Variants in PRKCD observed in about 807,000 individuals in gnomAD.
The protein encoded by PRKCD is protein kinase C delta type.
PRKCD carries 20 observed loss-of-function variants against 82.2 expected under a neutral mutation model. The observed-to-expected ratio is 0.24, with a 90% confidence interval of 0.17 to 0.35. The LOEUF (loss-of-function observed/expected upper bound fraction) is 0.35, where lower values mean the gene tolerates loss of function less well. Ranked by LOEUF, PRKCD falls within the 10% of genes least tolerant of loss-of-function variation. PRKCD has a pLI of 1.00. For missense variants in PRKCD, 607 were observed against 899.0 expected (o/e 0.68, Z 4.15); for synonymous variants, 317 against 337.0 (o/e 0.94, Z 0.65).
At chr3:53,189,692 T>C (rs1703852422) in intron 17 of PRKCD, among the ~76,000 whole-genome samples, 181 bp from the exon 18 acceptor site, 1 of 152,228 alleles carries the variant, frequency 6.6e-6, no homozygotes, top group Admixed American at 6.5e-5. Flanking sequence ...CCAGAGCCTG[T>C]CATCTCCGGG....
chr3:53,186,811 G>C (rs565886189), intron 14 of PRKCD, 116 bp downstream of exon 14: 1 of 1,090,074 alleles, frequency 9.2e-7, no homozygotes, highest in South Asian at 1.5e-5. Context: ...AGCCAGCCTG[G>C]GCTAGAGCGG....
At chr3:53,179,463 C>A (rs782123205) in intron 3 of PRKCD, 114 bp from the exon 4 acceptor site, 21 of 1,364,854 alleles carry the variant, frequency 1.5e-5, no homozygotes, top group Non-Finnish European at 2.2e-5. Context: ...GGAACCACAG[C>A]AGGCCCTCAA....
At position 53,170,937 on chromosome 3, in the gene PRKCD, C is replaced by CTGTGTG. The variant is rs3075732; in HGVS notation, c.-20+5740_-20+5745dup. 1.7e-3 allele frequency among the ~76,000 whole-genome samples: 260 copies of CTGTGTG among 149,478 alleles called. 1 individual carries two copies. Among genetic ancestry groups the CTGTGTG allele is most frequent in the South Asian group, 4.4e-3 (21 of 4,728 alleles). On this transcript the variant is annotated intron_variant, in intron 2 of 18. Coordinates refer to ENST00000330452, the MANE Select transcript of PRKCD (RefSeq NM_006254.4). ...AGAGCCGGTGAGTGCATGTGTGTTT[C>CTGTGTG]TGTGTGTGTGTGTGTGTGTGTGTAC...
chr3:53,181,870 G>A (rs1553667663), intron 7 of PRKCD, 138 bp downstream of exon 7: 2 of 1,251,644 alleles, frequency 1.6e-6, no homozygotes, highest in Non-Finnish European at 2.3e-6. Flanking sequence ...TACAGCAGCT[G>A]AGTTCAGTGA....
intron 2 of PRKCD, among the ~76,000 whole-genome samples, chr3:53,178,073 G>A (rs1703278311): frequency 1.3e-5 from 2 of 151,554 alleles, no homozygotes; most frequent in Non-Finnish European, 2.9e-5. Context: ...AGCCTCCCGA[G>A]TAGCTGGAAT....
chr3:53,172,482 T>A (rs1703071485), intron 2 of PRKCD, among the ~76,000 whole-genome samples: 1 of 152,206 alleles, frequency 6.6e-6, no homozygotes, highest in Admixed American at 6.5e-5. Flanking sequence ...TCCGCCCTCC[T>A]TTATTCATCC....
intron 1 of PRKCD, among the ~76,000 whole-genome samples, chr3:53,164,073 G>C (rs1553663467): frequency 6.6e-6 from 1 of 152,232 alleles, no homozygotes; most frequent in Non-Finnish European, 1.5e-5. Flanking sequence ...CCAGCTGGGG[G>C]AGGGGTTCAC....
rs2230493 is a variant in PRKCD at position 53,179,641 on chromosome 3, T to C, written c.180T>C (p.Asp60=). ...ATCCTGAGTGGAAGTCGACGTTCGA[T>C]GCCCACATCTATGAGGGGCGCGTCA... ...TMYPEWKSTF[D]AHIYEGRVIQ... is the part of the protein sequence containing the mutation. Residue 60 remains aspartate (D), a synonymous_variant, in exon 4 of 19, where the codon GAT becomes GAC. Transcript: ENST00000330452. 252,154 of 1,613,930 alleles carry C rather than the reference T, an allele frequency of 0.16. 21,399 individuals are homozygous for C. The highest frequency in any genetic ancestry group is 0.17 in the Non-Finnish European group (204,943 of 1,179,858).
chr3:53,178,652 T>C, intron 3 of PRKCD, 115 bp downstream of exon 3: 1 of 835,224 alleles, frequency 1.2e-6, no homozygotes, highest in Non-Finnish European at 1.8e-6. Context: ...CTCTTCCTCA[T>C]CCTTGACTCC....
chr3:53,166,539 A>C (rs539974222), intron 2 of PRKCD, among the ~76,000 whole-genome samples: 2 of 152,230 alleles, frequency 1.3e-5, no homozygotes, highest in Non-Finnish European at 2.9e-5. Context: ...GTGGGCATGC[A>C]GGTACACAGG....
chr3:53,186,368 C>T, intron 13 of PRKCD, 28 bp downstream of exon 13: 1 of 1,612,720 alleles, frequency 6.2e-7, no homozygotes. Context: ...CGTCACCACC[C>T]CATGCCACAG....
intron 15 of PRKCD, among the ~76,000 whole-genome samples, chr3:53,188,274 A>T (rs1201832068): frequency 6.7e-6 from 1 of 149,778 alleles, no homozygotes; most frequent in African/African-American, 2.4e-5. Flanking sequence ...CTCTAAGGAG[A>T]GCCTCATGAT....
Position 53,186,704 on chromosome 3 carries a change from G to A in PRKCD, c.1352+9G>A. 6.2e-7 allele frequency: 1 copy of A among 1,609,088 alleles called. No homozygotes were observed. The highest frequency in any genetic ancestry group is 8.5e-7 in the Non-Finnish European group (1 of 1,176,272). ...GAACTCTACCGTGCCACGTACGTAA[G>A]GGCCATGGTGGGGAAGGGCCCAGTG... On this transcript the variant is annotated intron_variant, in intron 14 of 18. Coordinates refer to ENST00000330452, the MANE Select transcript of PRKCD (RefSeq NM_006254.4).
intron 2 of PRKCD, among the ~76,000 whole-genome samples, chr3:53,168,884 T>C (rs1553664340): frequency 7.8e-6 from 1 of 127,900 alleles, no homozygotes; most frequent in East Asian, 2.3e-4. Flanking sequence ...AGGGGAGGAG[T>C]CTGGGCTTGT....
chr3:53,190,009 A>AT lies in PRKCD; in HGVS notation c.1872+9dup, dbSNP rs781943818. 6.2e-7 allele frequency: 1 copy of AT among 1,613,758 alleles called. No individual in the cohort carries two copies. Among genetic ancestry groups the AT allele is most frequent in the African/African-American group, 1.3e-5 (1 of 75,022 alleles). Reference sequence around the variant, plus strand: ...CCTTTCAGGCCCAAAGTGGTATGTGATCCTGCCCTGTGCTGCCTTCAGGCT... The same window carrying AT: ...CCTTTCAGGCCCAAAGTGGTATGTGATTCCTGCCCTGTGCTGCCTTCAGGCT... On this transcript the variant is annotated intron_variant, in intron 18 of 18. Coordinates refer to ENST00000330452, the MANE Select transcript of PRKCD (RefSeq NM_006254.4).
chr3:53,181,769 C>G (rs1553667614), intron 7 of PRKCD, 37 bp downstream of exon 7: 1 of 1,613,936 alleles, frequency 6.2e-7, no homozygotes, highest in South Asian at 1.1e-5. Context: ...ACGTATGTAC[C>G]CATGTGTGCT....
rs1350270523 is a variant in PRKCD at position 53,169,426 on chromosome 3, T to A, written c.-20+4211T>A. ...CTGGGATGGCTGTCCCTCAAAGGTC[T>A]CTGCCAAGGCACCCAGGAGGGCAGG... is the stretch of plus-strand genomic sequence containing the variant. On this transcript the variant is annotated intron_variant, in intron 2 of 18. Coordinates refer to ENST00000330452, the MANE Select transcript of PRKCD (RefSeq NM_006254.4). This position sits in a 1 kb window ranked among gnomAD's most constrained non-coding sequence, Gnocchi z 4.7. 6.6e-6 allele frequency among the ~76,000 whole-genome samples: 1 copy of A among 152,130 alleles called. No individual in the cohort carries two copies. The highest frequency in any genetic ancestry group is 6.5e-5 in the Admixed American group (1 of 15,286).
intron 1 of PRKCD, 105 bp downstream of exon 1, chr3:53,161,533 T>A (rs2107209009): frequency 6.6e-6 from 1 of 151,520 alleles, no homozygotes; most frequent in East Asian, 2.0e-4. Flanking sequence ...ACTGAGAAAC[T>A]GAGCCGCGGT....
At chr3:53,186,966 G>T (rs1703722690) in intron 14 of PRKCD, among the ~76,000 whole-genome samples, 1 of 152,212 alleles carries the variant, frequency 6.6e-6, no homozygotes, top group Admixed American at 6.5e-5. Context: ...TGCAAATGGT[G>T]GTCCTGCATG....
Sources: allele counts gnomAD v4.1 joint callset (sites outside exome capture counted in the v4.1 genomes callset), GRCh38; gene constraint gnomAD v4.1.1; non-coding constraint Gnocchi (gnomAD v3.1); transcripts MANE v1.5; gene names NCBI Gene and HGNC (gene_info 2026-07-23, HGNC 2026-07-21).